GRIK4: variants seen among roughly 807,000 people sequenced by gnomAD.
GRIK4 encodes the protein glutamate ionotropic receptor kainate type subunit 4.
A neutral mutation model predicts 104.9 loss-of-function variants in GRIK4; 40 were observed. The ratio of observed to expected loss-of-function variants is 0.38; its 90% CI spans 0.30 to 0.50. GRIK4 has a LOEUF of 0.50. GRIK4 is among the 20% of genes least tolerant of loss of function. The pLI is 0.93. For synonymous variants in GRIK4, 485 were observed against 524.9 expected (o/e 0.92, Z 1.04); for missense variants, 1,047 against 1,308.1 (o/e 0.80, Z 3.08).
chr11:120,593,755 C>T (rs1948766183), intron 1 of GRIK4, among the ~76,000 whole-genome samples: 1 of 152,192 alleles, frequency 6.6e-6, no homozygotes, highest in Admixed American at 6.5e-5. Context: ...TCCATATATC[C>T]TAAACATGGA....
intron 1 of GRIK4, among the ~76,000 whole-genome samples, chr11:120,551,279 A>C (rs1392141202): frequency 1.3e-5 from 2 of 152,220 alleles, no homozygotes; most frequent in Non-Finnish European, 2.9e-5. Context: ...TGTAAACAGA[A>C]TCTCTCTGTC....
chr11:120,591,832 C>T (rs1948737349), intron 1 of GRIK4, among the ~76,000 whole-genome samples: 1 of 152,192 alleles, frequency 6.6e-6, no homozygotes, highest in Non-Finnish European at 1.5e-5. Flanking sequence ...CCTCCTGCAT[C>T]CCTCCTCCTC....
intron 3 of GRIK4, among the ~76,000 whole-genome samples, chr11:120,721,662 C>T (rs1020437039): frequency 6.6e-6 from 1 of 151,988 alleles, no homozygotes; most frequent in Non-Finnish European, 1.5e-5. Flanking sequence ...GTACCTGGCC[C>T]GGGGTGATTA....
chr11:120,959,540 A>G (rs1388954732), intron 16 of GRIK4, among the ~76,000 whole-genome samples: 1 of 152,260 alleles, frequency 6.6e-6, no homozygotes, highest in Non-Finnish European at 1.5e-5. Context: ...GTGATTCTCC[A>G]TCCCAAACTG....
At chr11:120,906,344 T>G (rs1942866357) in intron 13 of GRIK4, among the ~76,000 whole-genome samples, 1 of 152,250 alleles carries the variant, frequency 6.6e-6, no homozygotes, top group African/African-American at 2.4e-5. Flanking sequence ...TTTTCCCCTC[T>G]GGGCTTTCAA....
In GRIK4 at chr11:120,882,191, C is replaced by A. The variant is rs550298131; in HGVS notation, c.1164+6948C>A. Among the ~76,000 whole-genome samples, 9 of 152,238 alleles carry A rather than the reference C, an allele frequency of 5.9e-5. No individual in the cohort carries two copies. In the South Asian group the frequency reaches 1.9e-3, roughly 32 times the overall value. On this transcript the variant is annotated intron_variant, in intron 11 of 20. Transcript: ENST00000527524. The stretch of plus-strand genomic sequence containing the variant: ...AGCTGACCCCATCATAGCTCCAGCC[C>A]CTCCTGTGCTAAGGAGAAGGGCTAT...
In GRIK4 at chr11:120,986,502, G is replaced by A; in HGVS notation, c.*242G>A. On this transcript the variant is annotated 3_prime_UTR_variant, in exon 21 of 21. Transcript: ENST00000527524. ...GGGCAAAGGACGGCCCTCCCTCCTGGGCACAAGGACCCATCTTCTCCCAGT... is the reference window on the plus strand; with the variant it reads ...GGGCAAAGGACGGCCCTCCCTCCTGAGCACAAGGACCCATCTTCTCCCAGT... The A allele has an allele frequency of 3.9e-6, 2 of 517,154 alleles. No homozygotes were observed. Among genetic ancestry groups the A allele is most frequent in the South Asian group, 5.3e-5 (2 of 37,954 alleles). The allele number at this position is 517,154 out of a possible 1,614,324, so 32.0% of individuals were successfully genotyped here. A position where few individuals can be genotyped will look rare whatever the true frequency, so the allele number is the denominator to read the frequency against.
chr11:120,824,431 G>A (rs1003418047), intron 6 of GRIK4, among the ~76,000 whole-genome samples: 5 of 152,268 alleles, frequency 3.3e-5, no homozygotes, highest in East Asian at 1.9e-4. Flanking sequence ...CAGCCCTGCC[G>A]CGGATCTACC....
At chr11:120,707,361 C>G (rs1950648057) in intron 3 of GRIK4, among the ~76,000 whole-genome samples, 1 of 152,202 alleles carries the variant, frequency 6.6e-6, no homozygotes, top group Non-Finnish European at 1.5e-5. Flanking sequence ...AGGGGAAGGT[C>G]TGAGGAAGCA....
intron 1 of GRIK4, among the ~76,000 whole-genome samples, chr11:120,597,978 T>C (rs900813291): frequency 1.8e-4 from 27 of 152,132 alleles, no homozygotes; most frequent in Non-Finnish European, 7.3e-5. Context: ...ATGCGGTGAA[T>C]GTTGGATGAA....
rs372468738 is a variant in GRIK4, at chr11:120,584,451, A to G, written c.-158-69234A>G. Among the ~76,000 whole-genome samples the G allele has an allele frequency of 2.6e-5, 4 of 152,344 alleles. No homozygotes were observed. In the South Asian group the frequency reaches 6.2e-4, roughly 24 times the overall value. Reference sequence around the variant, plus strand: ...CTCAGGAAGCTTACAATCATGGTGGAAGGTGAAGAGGGAGCAGGCAGTTAC... The same window carrying G: ...CTCAGGAAGCTTACAATCATGGTGGGAGGTGAAGAGGGAGCAGGCAGTTAC... On this transcript the variant is annotated intron_variant, in intron 1 of 20. Coordinates refer to ENST00000527524, the MANE Select transcript of GRIK4 (RefSeq NM_014619.5).
At chr11:120,982,898 C>CA (rs1944675666) in intron 20 of GRIK4, among the ~76,000 whole-genome samples, 1 of 152,190 alleles carries the variant, frequency 6.6e-6, no homozygotes, top group African/African-American at 2.4e-5. Context: ...GGGGCCTTAA[C>CA]ACAACACCGC....
intron 6 of GRIK4, among the ~76,000 whole-genome samples, chr11:120,822,211 CAAA>C (rs34732807): frequency 0.1 from 7,304 of 71,514 alleles, 209 homozygotes; most frequent in African/African-American, 0.15. Context: ...AACCCTATCT[CAAA>C]AAAAAAAAAA....
chr11:120,579,944 T>G (rs1948547580), intron 1 of GRIK4, among the ~76,000 whole-genome samples: 1 of 152,142 alleles, frequency 6.6e-6, no homozygotes, highest in South Asian at 2.1e-4. Context: ...CTGATCGTGT[T>G]CAGAATGTCA....
chr11:120,810,109 C>A (rs1216694020), intron 4 of GRIK4, among the ~76,000 whole-genome samples: 1 of 152,092 alleles, frequency 6.6e-6, no homozygotes, highest in Non-Finnish European at 1.5e-5. Flanking sequence ...GTGCATGTAC[C>A]ATATGTAAAG....
chr11:120,882,129 G>A (rs375821464), intron 11 of GRIK4, among the ~76,000 whole-genome samples: 10 of 152,200 alleles, frequency 6.6e-5, no homozygotes, highest in East Asian at 3.9e-4. Flanking sequence ...AGGTACCCCC[G>A]GCATCTGTGC....
intron 7 of GRIK4, among the ~76,000 whole-genome samples, chr11:120,833,023 G>A (rs992256320): frequency 1.3e-5 from 2 of 152,122 alleles, no homozygotes; most frequent in African/African-American, 4.8e-5. Context: ...GAGGCTCCTC[G>A]TTAACCTCTG....
Position 120,555,795 on chromosome 11 carries a change from C to T in GRIK4, c.-159+43908C>T, listed in dbSNP as rs1490293607. On this transcript the variant is annotated intron_variant, in intron 1 of 20. Coordinates refer to ENST00000527524, the MANE Select transcript of GRIK4 (RefSeq NM_014619.5). The surrounding 1 kb of genome is among the most constrained non-coding windows in gnomAD (Gnocchi z 5.3). ...TCCTCAGAGGCCTTGGGGCTTCTTCCCACCGTCATTATTGATGTCCCTGCC... is the reference window on the plus strand; with the variant it reads ...TCCTCAGAGGCCTTGGGGCTTCTTCTCACCGTCATTATTGATGTCCCTGCC... Among the ~76,000 whole-genome samples the T allele has an allele frequency of 6.6e-6, 1 of 152,084 alleles. No homozygotes were observed. Among genetic ancestry groups the T allele is most frequent in the Non-Finnish European group, 1.5e-5 (1 of 68,022 alleles).
In GRIK4 at chr11:120,986,230, GA is replaced by G; in HGVS notation, c.2845del (p.Thr949ProfsTer106). On this transcript the variant is annotated frameshift_variant, in exon 21 of 21. Transcript: ENST00000527524. LOFTEE classifies it high-confidence loss of function. The part of the protein sequence containing the change: ...ARSEESLEWE[K>X]TTNSSEPE ...GCAGCGAGGAGAGCCTGGAGTGGGA[GA>G]AAACCACCAACAGCAGCGAGCCCGA... is the stretch of plus-strand genomic sequence containing the variant. 6.6e-7 allele frequency: 1 copy of G among 1,520,396 alleles called. No individual in the cohort carries two copies. Among genetic ancestry groups the G allele is most frequent in the East Asian group, 2.8e-5 (1 of 35,088 alleles). 94.2% of individuals were successfully genotyped at this position (1,520,396 alleles called of 1,614,324 possible).
Sources: gnomAD v4.1 joint callset for allele counts (sites outside exome capture counted in the v4.1 genomes callset) on GRCh38, gnomAD v4.1.1 for gene constraint, Gnocchi (gnomAD v3.1) non-coding constraint, MANE v1.5 for transcripts, NCBI Gene and HGNC (gene_info 2026-07-23, HGNC 2026-07-21) for gene names.